The following RAB7A variants were observed in gnomAD, a reference collection of about 807,000 sequenced individuals.
The protein encoded by RAB7A is ras-related protein Rab-7a.
Under a neutral mutation model 24.5 loss-of-function variants are expected in RAB7A, and 2 were observed. That is an observed-to-expected ratio of 0.08 (90% confidence interval 0.03 to 0.26). The LOEUF (loss-of-function observed/expected upper bound fraction) is 0.26, where lower values mean the gene tolerates loss of function less well. Among genes scored for constraint, RAB7A ranks in the 10% least tolerant of loss-of-function variants. The pLI is 1.00. For missense variants in RAB7A, 118 were observed against 255.7 expected, an observed-to-expected ratio of 0.46 and a Z score of 3.67; for synonymous variants, 100 against 95.9, an observed-to-expected ratio of 1.04 and a Z score of -0.25.
chr3:128,794,062 T>C (rs1352596177), intron 1 of RAB7A, among the ~76,000 whole-genome samples: 1 of 152,208 alleles, frequency 6.6e-6, no homozygotes, highest in East Asian at 1.9e-4. Flanking sequence ...TGATATTTCC[T>C]TTTAGTTAGT....
At chr3:128,750,481 C>T (rs1214764599) in intron 1 of RAB7A, among the ~76,000 whole-genome samples, 3 of 152,032 alleles carry the variant, frequency 2.0e-5, no homozygotes, top group Non-Finnish European at 2.9e-5. Flanking sequence ...AGGCTGGTCT[C>T]GAACTCCTGA....
intron 1 of RAB7A, among the ~76,000 whole-genome samples, chr3:128,733,848 A>T (rs954018503): frequency 2.6e-5 from 4 of 152,212 alleles, no homozygotes; most frequent in African/African-American, 9.6e-5. Context: ...AAGAGTATCT[A>T]TTCTGCTCTA....
rs567613425 is a variant in RAB7A, at chr3:128,726,760, G to A, written c.-9+401G>A. ...ACGCCGCCCGCCGCCGTGCCCACCC[G>A]GCGGGCATGGGTCACAGGCGCTGGG... On this transcript the variant is annotated intron_variant, in intron 1 of 5. Transcript: ENST00000265062. Among the ~76,000 whole-genome samples the A allele has an allele frequency of 2.6e-5, 4 of 152,302 alleles. No individual in the cohort carries two copies. In the South Asian group the frequency reaches 8.3e-4, roughly 32 times the overall value.
chr3:128,770,079 T>C (rs1576286710), intron 1 of RAB7A, among the ~76,000 whole-genome samples: 1 of 151,880 alleles, frequency 6.6e-6, no homozygotes, highest in African/African-American at 2.4e-5. Flanking sequence ...CTCGGCTTAC[T>C]GCAACCTTTG....
At chr3:128,804,641 T>G (rs1405667766) in intron 3 of RAB7A, among the ~76,000 whole-genome samples, 3 of 152,262 alleles carry the variant, frequency 2.0e-5, no homozygotes, top group Admixed American at 2.0e-4. Flanking sequence ...ACCCGTCAAC[T>G]TGTTGACTTC....
intron 1 of RAB7A, among the ~76,000 whole-genome samples, chr3:128,753,351 AG>A (rs2070704025): frequency 6.6e-6 from 1 of 151,036 alleles, no homozygotes; most frequent in African/African-American, 2.4e-5. Context: ...GTGGGGAAGC[AG>A]ATAGAGGATG....
intron 1 of RAB7A, among the ~76,000 whole-genome samples, chr3:128,766,133 T>C (rs950109712): frequency 3.9e-5 from 6 of 152,162 alleles, no homozygotes; most frequent in African/African-American, 1.2e-4. Context: ...GGCATTAACA[T>C]TCAGACCAGA....
intron 1 of RAB7A, among the ~76,000 whole-genome samples, chr3:128,760,396 A>G (rs1576281353): frequency 2.0e-5 from 3 of 152,086 alleles, no homozygotes; most frequent in African/African-American, 4.8e-5. Flanking sequence ...TGTGTAATCT[A>G]TTGGTTCTGT....
intron 3 of RAB7A, among the ~76,000 whole-genome samples, chr3:128,800,005 G>T (rs2107613032): frequency 6.6e-6 from 1 of 152,190 alleles, no homozygotes; most frequent in Non-Finnish European, 1.5e-5. Flanking sequence ...AAAAAATGAG[G>T]ATATGGAAAA....
intron 1 of RAB7A, among the ~76,000 whole-genome samples, chr3:128,757,524 A>T (rs1054303145): frequency 1.4e-5 from 2 of 145,496 alleles, no homozygotes; most frequent in South Asian, 2.2e-4. Context: ...TTTAAAAACA[A>T]TTTTTTTTTT....
intron 1 of RAB7A, among the ~76,000 whole-genome samples, chr3:128,760,274 C>G (rs1465342103): frequency 2.0e-5 from 3 of 152,188 alleles, no homozygotes; most frequent in Non-Finnish European, 4.4e-5. Flanking sequence ...CAGGCTGCAA[C>G]TAGAGCTTAA....
At position 128,813,589 on chromosome 3, in the gene RAB7A, A is replaced by G. The variant is rs1576306865; in HGVS notation, c.*167A>G. 1.5e-6 allele frequency: 1 copy of G among 648,774 alleles called. No individual in the cohort carries two copies. The highest frequency in any genetic ancestry group is 2.8e-6 in the Non-Finnish European group (1 of 352,046). The allele number at this position is 648,774 out of a possible 1,614,324, so 40.2% of individuals were successfully genotyped here. A position where few individuals can be genotyped will look rare whatever the true frequency, so the allele number is the denominator to read the frequency against. On this transcript the variant is annotated 3_prime_UTR_variant, in exon 6 of 6. Coordinates refer to ENST00000265062, the MANE Select transcript of RAB7A (RefSeq NM_004637.6). ...CAGTTACACCCCACATATCTCTCAC[A>G]CACACACACACACGCACACACACAC... is the stretch of plus-strand genomic sequence containing the variant.
intron 1 of RAB7A, among the ~76,000 whole-genome samples, chr3:128,740,801 A>G (rs1256812070): frequency 6.8e-6 from 1 of 147,804 alleles, no homozygotes; most frequent in Non-Finnish European, 1.5e-5. Context: ...TACTTGGGAG[A>G]TTCAGGGGAG....
At chr3:128,797,290 TG>T (rs780135459) in intron 2 of RAB7A, among the ~76,000 whole-genome samples, 2 of 151,912 alleles carry the variant, frequency 1.3e-5, no homozygotes, top group African/African-American at 4.8e-5. Context: ...TCACTGGCTA[TG>T]GGGGGGAAGG....
chr3:128,773,962 C>T (rs544149612), intron 1 of RAB7A, among the ~76,000 whole-genome samples: 2 of 150,564 alleles, frequency 1.3e-5, no homozygotes, highest in African/African-American at 5.0e-5. Flanking sequence ...TCAGGGTCCT[C>T]TGCCTAGGAA....
intron 1 of RAB7A, among the ~76,000 whole-genome samples, chr3:128,740,642 T>C (rs1394923871): frequency 6.6e-6 from 1 of 151,952 alleles, no homozygotes; most frequent in African/African-American, 2.4e-5. Flanking sequence ...ATGCCTGTAA[T>C]GCCAGCATTT....
intron 1 of RAB7A, among the ~76,000 whole-genome samples, chr3:128,761,491 T>G (rs1449410329): frequency 6.6e-6 from 1 of 152,192 alleles, no homozygotes; most frequent in East Asian, 1.9e-4. Flanking sequence ...GGAGACTATC[T>G]TGGTCATCTT....
chr3:128,769,741 G>A (rs1207713849), intron 1 of RAB7A, among the ~76,000 whole-genome samples: 7 of 152,172 alleles, frequency 4.6e-5, no homozygotes, highest in Admixed American at 4.6e-4. Flanking sequence ...TTTGCAATTC[G>A]TGAATGAGGG....
intron 5 of RAB7A, 68 bp downstream of exon 5, chr3:128,807,739 C>T: frequency 1.2e-6 from 2 of 1,606,534 alleles, no homozygotes; most frequent in Non-Finnish European, 1.7e-6. Flanking sequence ...CCTGCCTGGC[C>T]TCCTGCCCTT....
Sources: allele counts gnomAD v4.1 joint callset (sites outside exome capture counted in the v4.1 genomes callset), GRCh38; gene constraint gnomAD v4.1.1; transcripts MANE v1.5; gene names NCBI Gene and HGNC (gene_info 2026-07-23, HGNC 2026-07-21).